The following FBLN1 variants were observed in gnomAD, a reference collection of about 807,000 sequenced individuals.
FBLN1 encodes the protein fibulin 1, also known as fibulin-1.
In FBLN1, 34 loss-of-function variants were observed where a neutral mutation model predicts 89.7. The observed-to-expected ratio is 0.38, with a 90% CI of 0.29 to 0.50. The LOEUF (loss-of-function observed/expected upper bound fraction) is 0.50. Among genes scored for constraint, FBLN1 ranks in the 20% least tolerant of loss-of-function variants. The pLI is 0.92. For missense variants in FBLN1, 777 were observed against 988.1 expected, an observed-to-expected ratio of 0.79 and a Z score of 2.86; for synonymous variants, 393 against 391.3, an observed-to-expected ratio of 1.00 and a Z score of -0.05.
At chr22:45,600,281 CAG>C in intron 16 of FBLN1, 24 bp from the exon 17 acceptor site, 1 of 1,614,196 alleles carries the variant, frequency 6.2e-7, no homozygotes, top group Non-Finnish European at 8.5e-7. Flanking sequence ...TTCTAACTTC[CAG>C]CACACCTTCT....
rs1037422259 is a variant in FBLN1 at position 45,563,475 on chromosome 22, C to T, written c.1698-11036C>T. On this transcript the variant is annotated intron_variant, in intron 14 of 16. Transcript: ENST00000327858. The surrounding 1 kb of genome is among the most constrained non-coding windows in gnomAD (Gnocchi z 5.7). Reference sequence around the variant, plus strand: ...GTACCCCCGAGGGCTGACTGAGGAGCGCTCCCCACTAGAGGGTGTGTGCTC... The same window carrying T: ...GTACCCCCGAGGGCTGACTGAGGAGTGCTCCCCACTAGAGGGTGTGTGCTC... 290 of 1,054,528 alleles carry T rather than the reference C, an allele frequency of 2.8e-4. No individual in the cohort carries two copies. Among genetic ancestry groups the T allele is most frequent in the Middle Eastern group, 1.2e-3 (4 of 3,208 alleles). The allele number at this position is 1,054,528 out of a possible 1,614,324, so 65.3% of individuals were successfully genotyped here.
rs950097317 is a variant in FBLN1 at position 45,588,666 on chromosome 22, C to G, written c.1972+11558C>G. On this transcript the variant is annotated intron_variant, in intron 16 of 16. Transcript: ENST00000327858. This position sits in a 1 kb window ranked among gnomAD's most constrained non-coding sequence, Gnocchi z 5.1. Reference sequence around the variant, plus strand: ...CAGCCTCTTAGTCTCCAGAGCCTCCCGCAGGAATGATTTGTGACCCTCTTA... The same window carrying G: ...CAGCCTCTTAGTCTCCAGAGCCTCCGGCAGGAATGATTTGTGACCCTCTTA... Among the ~76,000 whole-genome samples, 1 of 151,258 alleles carries G rather than the reference C, an allele frequency of 6.6e-6. No individual in the cohort carries two copies. The highest frequency in any genetic ancestry group is 2.4e-5 in the African/African-American group (1 of 41,310).
At chr22:45,592,057 C>T (rs114581053) in intron 16 of FBLN1, among the ~76,000 whole-genome samples, 1 of 151,586 alleles carries the variant, frequency 6.6e-6, no homozygotes, top group Non-Finnish European at 1.5e-5. Flanking sequence ...ATGGGAAGAT[C>T]TGGGCTCTGA....
In FBLN1 at chr22:45,520,397, CCT is replaced by C. The variant is rs200681643; in HGVS notation, c.185+1611_185+1612del. ...CTGGGCCTGTAGATGCCCTCTTCTC[CCT>C]GTGTCCTCACACGGCCCTCCCTCTG... is the stretch of plus-strand genomic sequence containing the variant. On this transcript the variant is annotated intron_variant, in intron 2 of 16. Coordinates refer to ENST00000327858, the MANE Select transcript of FBLN1 (RefSeq NM_006486.3). Among the ~76,000 whole-genome samples, 631 of 152,312 alleles carry C rather than the reference CCT, an allele frequency of 4.1e-3. 3 individuals are homozygous for C. Among genetic ancestry groups the C allele is most frequent in the African/African-American group, 0.014 (601 of 41,566 alleles).
At chr22:45,570,214 G>A (rs2088939041) in intron 14 of FBLN1, among the ~76,000 whole-genome samples, 2 of 151,486 alleles carry the variant, frequency 1.3e-5, no homozygotes, top group Non-Finnish European at 2.9e-5. Flanking sequence ...CAGCTACTCA[G>A]GAGGCTGAGG....
At chr22:45,541,948 G>T (rs778600759) in intron 9 of FBLN1, among the ~76,000 whole-genome samples, 6 of 152,302 alleles carry the variant, frequency 3.9e-5, no homozygotes, top group African/African-American at 4.8e-5. Context: ...GTCATTGCTG[G>T]CCTGCCAGCC....
chr22:45,592,172 G>A (rs568710714), intron 16 of FBLN1, among the ~76,000 whole-genome samples: 15 of 152,266 alleles, frequency 9.9e-5, no homozygotes, highest in African/African-American at 3.6e-4. Flanking sequence ...GAGGGCGACC[G>A]TGTCTCATCC....
chr22:45,590,586 T>C lies in FBLN1; in HGVS notation c.1973-9721T>C, dbSNP rs1162996666. Among the ~76,000 whole-genome samples, 2 of 151,840 alleles carry C rather than the reference T, an allele frequency of 1.3e-5. No individual in the cohort carries two copies. The highest frequency in any genetic ancestry group is 2.9e-5 in the Non-Finnish European group (2 of 67,962). ...GCTCTGAGCACAGTGGGAAGAGGCATGGGAGGGGTGAAAAGGAAGGTGGTA... is the reference window on the plus strand; with the variant it reads ...GCTCTGAGCACAGTGGGAAGAGGCACGGGAGGGGTGAAAAGGAAGGTGGTA... On this transcript the variant is annotated intron_variant, in intron 16 of 16. Transcript: ENST00000327858. This position sits in a 1 kb window ranked among gnomAD's most constrained non-coding sequence, Gnocchi z 4.1.
chr22:45,582,806 C>T (rs1316116006), intron 16 of FBLN1, among the ~76,000 whole-genome samples: 1 of 152,070 alleles, frequency 6.6e-6, no homozygotes, highest in Non-Finnish European at 1.5e-5. Flanking sequence ...GGAGTGTGTG[C>T]GTGTGTGTGG....
intron 16 of FBLN1, among the ~76,000 whole-genome samples, chr22:45,587,454 T>A: frequency 6.6e-6 from 1 of 151,918 alleles, no homozygotes; most frequent in Admixed American, 6.6e-5. Context: ...AGAGACATCC[T>A]CAGCCCAGAG....
At position 45,531,141 on chromosome 22, in the gene FBLN1, T is replaced by G; in HGVS notation, c.485-124T>G. 1 of 796,528 alleles carries G rather than the reference T, an allele frequency of 1.3e-6. No individual in the cohort carries two copies. The highest frequency in any genetic ancestry group is 2.5e-5 in the East Asian group (1 of 40,250). 49.3% of individuals were successfully genotyped at this position (796,528 alleles called of 1,614,324 possible). Reference sequence around the variant, plus strand: ...GAGGATAAAGTTAATACTTAGCTGTTTATATAAGATGTTCAAATGGGCATT... The same window carrying G: ...GAGGATAAAGTTAATACTTAGCTGTGTATATAAGATGTTCAAATGGGCATT... On this transcript the variant is annotated intron_variant, in intron 4 of 16. Transcript: ENST00000327858. This position sits in a 1 kb window ranked among gnomAD's most constrained non-coding sequence, Gnocchi z 4.9.
chr22:45,586,524 G>C (rs2089087508), intron 16 of FBLN1, among the ~76,000 whole-genome samples: 1 of 152,244 alleles, frequency 6.6e-6, no homozygotes, highest in African/African-American at 2.4e-5. Context: ...AGGGTGGAAG[G>C]AAGCCAAACT....
chr22:45,562,553 G>A lies in FBLN1; in HGVS notation c.1697+11938G>A, dbSNP rs1452664013. 2.0e-5 allele frequency among the ~76,000 whole-genome samples: 3 copies of A among 152,292 alleles called. No individual in the cohort carries two copies. The highest frequency in any genetic ancestry group is 3.4e-3 in the Middle Eastern group (1 of 294). On this transcript the variant is annotated intron_variant, in intron 14 of 16. Coordinates refer to ENST00000327858, the MANE Select transcript of FBLN1 (RefSeq NM_006486.3). The surrounding 1 kb of genome is among the most constrained non-coding windows in gnomAD (Gnocchi z 7.8). ...TCCGAGACACAACCAAGAGCCCTGC[G>A]TAGCCCTGGCCACTGTCTGGGCAAG...
intron 12 of FBLN1, 41 bp downstream of exon 12, chr22:45,547,245 G>C (rs747283699): frequency 6.2e-7 from 1 of 1,610,058 alleles, no homozygotes; most frequent in Non-Finnish European, 8.5e-7. Context: ...AGCACCCCCT[G>C]GTCTTGCCAT....
At chr22:45,598,118 A>T (rs1024631429) in intron 16 of FBLN1, among the ~76,000 whole-genome samples, 7 of 152,208 alleles carry the variant, frequency 4.6e-5, no homozygotes, top group East Asian at 1.9e-4. Flanking sequence ...TTTGTGGCAA[A>T]CAGTCAGTAG....
Position 45,589,476 on chromosome 22 carries a change from G to A in FBLN1, c.1973-10831G>A, listed in dbSNP as rs569889028. On this transcript the variant is annotated intron_variant, in intron 16 of 16. Transcript: ENST00000327858. ...CGCAGACAGTCATCTGCAGATTCGC[G>A]AGCCTCTGGGATGATGGCCTGGAAA... 5.9e-5 allele frequency among the ~76,000 whole-genome samples: 9 copies of A among 152,320 alleles called. No individual in the cohort carries two copies. In the South Asian group the frequency reaches 1.0e-3, roughly 18 times the overall value.
chr22:45,591,246 G>T lies in FBLN1; in HGVS notation c.1973-9061G>T, dbSNP rs188559700. 5.9e-5 allele frequency among the ~76,000 whole-genome samples: 9 copies of T among 152,216 alleles called. No homozygotes were observed. In the East Asian group the frequency reaches 1.7e-3, roughly 29 times the overall value. ...CCACACAGAGCCAAATTTTCTCCCC[G>T]GTGAGCCCCCACTGCCTGCGTTTGC... On this transcript the variant is annotated intron_variant, in intron 16 of 16. Coordinates refer to ENST00000327858, the MANE Select transcript of FBLN1 (RefSeq NM_006486.3).
Position 45,581,820 on chromosome 22 carries a change from C to T in FBLN1, c.1972+4712C>T, listed in dbSNP as rs754391314. ...GTCTGTGGCTGGCCCATGAACAGCG[C>T]GATGAGAGGCAGGGAGCCAGGAAGG... is the stretch of plus-strand genomic sequence containing the variant. On this transcript the variant is annotated intron_variant, in intron 16 of 16. Coordinates refer to ENST00000327858, the MANE Select transcript of FBLN1 (RefSeq NM_006486.3). This position sits in a 1 kb window ranked among gnomAD's most constrained non-coding sequence, Gnocchi z 7.6. 3.9e-5 allele frequency among the ~76,000 whole-genome samples: 6 copies of T among 151,980 alleles called. No homozygotes were observed. Among genetic ancestry groups the T allele is most frequent in the Non-Finnish European group, 7.4e-5 (5 of 67,996 alleles).
intron 1 of FBLN1, among the ~76,000 whole-genome samples, chr22:45,509,796 G>T (rs887092419): frequency 1.3e-5 from 2 of 152,106 alleles, no homozygotes; most frequent in Non-Finnish European, 2.9e-5. Flanking sequence ...TTGACATCTT[G>T]TTGCATTTCA....
Sources: allele counts gnomAD v4.1 joint callset (sites outside exome capture counted in the v4.1 genomes callset), GRCh38; gene constraint gnomAD v4.1.1; non-coding constraint Gnocchi (gnomAD v3.1); transcripts MANE v1.5; gene names NCBI Gene and HGNC (gene_info 2026-07-23, HGNC 2026-07-21).